Variants in CSMD1 observed in about 807,000 individuals in gnomAD.
The protein encoded by CSMD1 is CUB and Sushi multiple domains 1, also known as CUB and sushi domain-containing protein 1.
CSMD1 carries 213 observed loss-of-function variants against 417.5 expected under a neutral mutation model. That is an observed-to-expected ratio of 0.51 (90% CI 0.46 to 0.57). CSMD1 has a LOEUF of 0.57. Ranked by LOEUF, CSMD1 falls within the 20% of genes least tolerant of loss-of-function variation. The pLI is 0.00. For synonymous variants in CSMD1, 2,862 were observed against 1,736.8 expected, an observed-to-expected ratio of 1.65 and a Z score of -16.11; for missense variants, 6,923 against 4,529.7, an observed-to-expected ratio of 1.53 and a Z score of -15.17.
intron 2 of CSMD1, among the ~76,000 whole-genome samples, chr8:4,514,073 T>G (rs889567653): frequency 1.3e-5 from 2 of 152,030 alleles, no homozygotes; most frequent in African/African-American, 4.8e-5. Flanking sequence ...AAATTTTTAT[T>G]TTATTATTAT....
In CSMD1 at chr8:3,623,952, G is replaced by C. The variant is rs537374991; in HGVS notation, c.1010-7155C>G. 3.0e-4 allele frequency among the ~76,000 whole-genome samples: 45 copies of C among 152,044 alleles called. No individual in the cohort carries two copies. The South Asian group carries it at 9.1e-3, about 31-fold the overall frequency. On this transcript the variant is annotated intron_variant, in intron 7 of 69. Coordinates refer to ENST00000635120, the MANE Select transcript of CSMD1 (RefSeq NM_033225.6). ...AGATTGCACCACTGCACTCCAGCCT[G>C]GGTGACAGAACAAAACTCCACAAAA...
intron 3 of CSMD1, among the ~76,000 whole-genome samples, chr8:4,042,915 C>T (rs770761855): frequency 4.9e-5 from 7 of 143,510 alleles, no homozygotes; most frequent in Admixed American, 7.1e-5. Context: ...ATTATGAGTT[C>T]AGGAGTTCAA....
intron 19 of CSMD1, among the ~76,000 whole-genome samples, 188 bp downstream of exon 19, chr8:3,369,066 G>GT (rs1418907297): frequency 6.6e-6 from 1 of 152,184 alleles, no homozygotes; most frequent in Non-Finnish European, 1.5e-5. Flanking sequence ...ACGGGGAATG[G>GT]TTTTTATTGT....
At chr8:3,188,234 A>C (rs1462242717) in intron 35 of CSMD1, among the ~76,000 whole-genome samples, 2 of 48,774 alleles carry the variant, frequency 4.1e-5, no homozygotes, top group East Asian at 5.0e-4. Context: ...ATCTATATAT[A>C]CATGGCAAAA....
At chr8:4,629,827 G>A (rs1802399848) in intron 2 of CSMD1, among the ~76,000 whole-genome samples, 1 of 152,168 alleles carries the variant, frequency 6.6e-6, no homozygotes, top group African/African-American at 2.4e-5. Flanking sequence ...TAATAATAGT[G>A]TCATGTTGCA....
chr8:3,325,311 A>G (rs1290974991), intron 23 of CSMD1, among the ~76,000 whole-genome samples: 4 of 152,222 alleles, frequency 2.6e-5, no homozygotes, highest in Admixed American at 6.5e-5. Flanking sequence ...AAGAATGGGA[A>G]AATATTCTGT....
At chr8:3,984,127 T>A (rs967290811) in intron 5 of CSMD1, among the ~76,000 whole-genome samples, 1 of 151,938 alleles carries the variant, frequency 6.6e-6, no homozygotes. Context: ...ACACAGCAGA[T>A]CTGATGGGGC....
At chr8:4,453,582 A>G (rs1343243406) in intron 2 of CSMD1, among the ~76,000 whole-genome samples, 1 of 152,132 alleles carries the variant, frequency 6.6e-6, no homozygotes, top group East Asian at 1.9e-4. Context: ...ATATCGCTTG[A>G]ACAATTGAAC....
At chr8:4,834,042 G>A (rs1334829363) in intron 1 of CSMD1, among the ~76,000 whole-genome samples, 3 of 152,100 alleles carry the variant, frequency 2.0e-5, no homozygotes, top group Admixed American at 6.5e-5. Flanking sequence ...GTGGCCAGTA[G>A]GTGCCACCAT....
intron 3 of CSMD1, among the ~76,000 whole-genome samples, chr8:4,311,943 T>G (rs1316467874): frequency 6.6e-6 from 1 of 152,042 alleles, no homozygotes; most frequent in African/African-American, 2.4e-5. Context: ...AACCTTCACT[T>G]GTATCCCTAA....
chr8:3,376,493 T>C (rs1400825974), intron 18 of CSMD1, among the ~76,000 whole-genome samples: 1 of 152,072 alleles, frequency 6.6e-6, no homozygotes, highest in Non-Finnish European at 1.5e-5. Flanking sequence ...AAATATAAAA[T>C]ATTCATATTT....
At chr8:3,191,785 G>T (rs1189698636) in intron 33 of CSMD1, among the ~76,000 whole-genome samples, 3 of 152,172 alleles carry the variant, frequency 2.0e-5, no homozygotes, top group Admixed American at 6.5e-5. Flanking sequence ...TCTGAAAATA[G>T]TTATGCCCTT....
intron 5 of CSMD1, among the ~76,000 whole-genome samples, chr8:3,759,158 T>C (rs1400161870): frequency 2.0e-5 from 3 of 152,220 alleles, no homozygotes; most frequent in Non-Finnish European, 4.4e-5. Flanking sequence ...TGTTAATTTG[T>C]TATGGTGGCA....
intron 3 of CSMD1, among the ~76,000 whole-genome samples, chr8:4,083,135 C>A (rs151221735): frequency 0.089 from 13,578 of 152,006 alleles, 820 homozygotes; most frequent in East Asian, 0.28. Flanking sequence ...TACCCAGTAA[C>A]GGGATGGCTG....
chr8:4,396,308 A>G (rs1804207305), intron 3 of CSMD1, among the ~76,000 whole-genome samples: 1 of 151,842 alleles, frequency 6.6e-6, no homozygotes, highest in African/African-American at 2.4e-5. Flanking sequence ...AAAAGTAAAA[A>G]AAAAAAAAAA....
At chr8:4,096,778 T>G (rs1395704379) in intron 3 of CSMD1, among the ~76,000 whole-genome samples, 2 of 152,212 alleles carry the variant, frequency 1.3e-5, no homozygotes, top group Non-Finnish European at 2.9e-5. Flanking sequence ...TAGAAGACAC[T>G]TGCGGAGTTG....
At chr8:4,035,921 G>A (rs1386753860) in intron 3 of CSMD1, among the ~76,000 whole-genome samples, 1 of 152,156 alleles carries the variant, frequency 6.6e-6, no homozygotes, top group South Asian at 2.1e-4. Flanking sequence ...CTCACCCAGA[G>A]CAACTTCCAG....
intron 37 of CSMD1, among the ~76,000 whole-genome samples, chr8:3,166,324 T>G (rs1318878457): frequency 6.6e-6 from 1 of 151,920 alleles, no homozygotes; most frequent in African/African-American, 2.4e-5. Context: ...TGAGGTCAGG[T>G]GTTCAAGACC....
intron 5 of CSMD1, among the ~76,000 whole-genome samples, chr8:3,900,706 A>T (rs1039689530): frequency 6.6e-6 from 1 of 150,780 alleles, no homozygotes; most frequent in Non-Finnish European, 1.5e-5. Context: ...CTGAAGCTGG[A>T]TGACTGTGTA....
Sources: allele counts gnomAD v4.1 joint callset (sites outside exome capture counted in the v4.1 genomes callset), GRCh38; gene constraint gnomAD v4.1.1; transcripts MANE v1.5; gene names NCBI Gene and HGNC (gene_info 2026-07-23, HGNC 2026-07-21).